Variants in ZNF704 observed in about 807,000 individuals in gnomAD.
The protein encoded by ZNF704 is zinc finger protein 704.
Under a neutral mutation model 44.7 loss-of-function variants are expected in ZNF704, and 10 were observed. The observed-to-expected ratio is 0.22, with a 90% CI of 0.14 to 0.38. ZNF704 has a LOEUF of 0.38. ZNF704 is among the 10% of genes least tolerant of loss of function. ZNF704 has a pLI of 1.00. For missense variants in ZNF704, 390 were observed against 545.5 expected, an observed-to-expected ratio of 0.71 and a Z score of 2.84; for synonymous variants, 211 against 207.6, an observed-to-expected ratio of 1.02 and a Z score of -0.14.
intron 2 of ZNF704, among the ~76,000 whole-genome samples, chr8:80,767,219 T>C (rs1261778214): frequency 1.3e-5 from 2 of 152,152 alleles, no homozygotes; most frequent in African/African-American, 4.8e-5. Flanking sequence ...CTCACAAATC[T>C]GTCATCTTTC....
At chr8:80,862,712 C>T (rs1809087680) in intron 1 of ZNF704, among the ~76,000 whole-genome samples, 1 of 145,950 alleles carries the variant, frequency 6.9e-6, no homozygotes, top group African/African-American at 2.6e-5. Flanking sequence ...TTGCAGTGAG[C>T]CGAGATCACA....
intron 1 of ZNF704, among the ~76,000 whole-genome samples, chr8:80,833,625 A>G (rs771922336): frequency 2.2e-4 from 34 of 152,178 alleles, no homozygotes; most frequent in African/African-American, 6.5e-4. Context: ...TCTGAAACCA[A>G]TGAAGTTTGT....
intron 1 of ZNF704, among the ~76,000 whole-genome samples, chr8:80,849,625 T>C (rs1418187182): frequency 6.6e-6 from 1 of 152,202 alleles, no homozygotes; most frequent in Non-Finnish European, 1.5e-5. Context: ...TGTAAAAGGA[T>C]TGGAAAGTGG....
At chr8:80,670,889 A>G (rs1176032997) in intron 4 of ZNF704, among the ~76,000 whole-genome samples, 6 of 152,246 alleles carry the variant, frequency 3.9e-5, no homozygotes, top group Non-Finnish European at 8.8e-5. Context: ...AGTGGATAAC[A>G]TTCACTGAGC....
intron 6 of ZNF704, among the ~76,000 whole-genome samples, chr8:80,664,057 T>C (rs1248866606): frequency 6.6e-6 from 1 of 151,438 alleles, no homozygotes; most frequent in Non-Finnish European, 1.5e-5. Flanking sequence ...CAGATACTTA[T>C]GTAATGTGCC....
chr8:80,691,439 A>G (rs1046098145), intron 3 of ZNF704, among the ~76,000 whole-genome samples: 3 of 152,138 alleles, frequency 2.0e-5, no homozygotes, highest in Admixed American at 2.0e-4. Flanking sequence ...GAAGCATCAG[A>G]CACTTCTCCT....
At chr8:80,809,501 AAGTG>A (rs1483793066) in intron 2 of ZNF704, among the ~76,000 whole-genome samples, 3 of 152,194 alleles carry the variant, frequency 2.0e-5, no homozygotes, top group Non-Finnish European at 4.4e-5. Context: ...TTCCTTGAAG[AAGTG>A]AGTGTTTGCC....
At chr8:80,766,534 G>A (rs1037142283) in intron 2 of ZNF704, among the ~76,000 whole-genome samples, 1 of 152,112 alleles carries the variant, frequency 6.6e-6, no homozygotes, top group African/African-American at 2.4e-5. Context: ...AATTAAAAGA[G>A]ACTTTAGTTA....
chr8:80,727,571 G>C (rs1281884301), intron 2 of ZNF704, among the ~76,000 whole-genome samples: 1 of 152,006 alleles, frequency 6.6e-6, no homozygotes, highest in African/African-American at 2.4e-5. Flanking sequence ...AGTGGCTCTT[G>C]TTTGGCGCAG....
chr8:80,774,373 ATCT>A (rs1807375861), intron 2 of ZNF704, among the ~76,000 whole-genome samples: 1 of 152,070 alleles, frequency 6.6e-6, no homozygotes, highest in Non-Finnish European at 1.5e-5. Flanking sequence ...ACCAGCCTAA[ATCT>A]TCTTTTTCTA....
At chr8:80,692,918 C>T (rs1048096383) in intron 3 of ZNF704, 86 bp downstream of exon 3, 7 of 1,224,308 alleles carry the variant, frequency 5.7e-6, no homozygotes, top group African/African-American at 3.0e-5. Flanking sequence ...TGGTTCATAG[C>T]GCTTGACAGG....
rs112262434 is a variant in ZNF704 at position 80,834,119 on chromosome 8, A to G, written c.-21-12504T>C. ...TGGGGTGGGAGGATCACTAGAGCCCAGGAAGTCAAGGCTGCAGTGAGCCGT... is the reference window on the plus strand; with the variant it reads ...TGGGGTGGGAGGATCACTAGAGCCCGGGAAGTCAAGGCTGCAGTGAGCCGT... On this transcript the variant is annotated intron_variant, in intron 1 of 8. Transcript: ENST00000327835. Among the ~76,000 whole-genome samples the G allele has an allele frequency of 2.7e-3, 405 of 152,174 alleles. 2 individuals carry two copies. The highest frequency in any genetic ancestry group is 9.1e-3 in the African/African-American group (379 of 41,502).
intron 2 of ZNF704, among the ~76,000 whole-genome samples, chr8:80,736,313 C>T (rs566693545): frequency 9.3e-4 from 141 of 152,238 alleles, no homozygotes; most frequent in Non-Finnish European, 1.7e-3. Context: ...CGCAGTCTCG[C>T]TCTATCACCA....
At chr8:80,682,721 C>T (rs369920976) in intron 4 of ZNF704, among the ~76,000 whole-genome samples, 20 of 152,292 alleles carry the variant, frequency 1.3e-4, no homozygotes, top group East Asian at 5.8e-4. Context: ...AGTTGCCAAA[C>T]GGCGGTGGGG....
At chr8:80,812,526 C>G (rs1808105872) in intron 2 of ZNF704, 1 of 152,778 alleles carries the variant, frequency 6.5e-6, no homozygotes, top group East Asian at 1.9e-4. Flanking sequence ...TTTCTCCCAA[C>G]AAGTTTGCGC....
At chr8:80,838,784 C>T (rs1405203563) in intron 1 of ZNF704, among the ~76,000 whole-genome samples, 1 of 143,280 alleles carries the variant, frequency 7.0e-6, no homozygotes, top group Non-Finnish European at 1.5e-5. Context: ...ATGGAGGCAG[C>T]GGCAGGGAGC....
chr8:80,663,964 C>A (rs1818143754), intron 6 of ZNF704, among the ~76,000 whole-genome samples: 1 of 151,936 alleles, frequency 6.6e-6, no homozygotes. Flanking sequence ...CTCCTGAGTT[C>A]AAGCAATCCA....
chr8:80,854,358 A>T (rs112070602), intron 1 of ZNF704, among the ~76,000 whole-genome samples: 2 of 152,136 alleles, frequency 1.3e-5, no homozygotes, highest in Non-Finnish European at 2.9e-5. Flanking sequence ...TCAACTTTTT[A>T]AAAAAAGACA....
intron 1 of ZNF704, among the ~76,000 whole-genome samples, chr8:80,841,376 A>G (rs1808675928): frequency 6.6e-6 from 1 of 152,116 alleles, no homozygotes; most frequent in Non-Finnish European, 1.5e-5. Context: ...TATCTGCCAC[A>G]CCACCATATG....
Sources: allele counts gnomAD v4.1 joint callset (sites outside exome capture counted in the v4.1 genomes callset), GRCh38; gene constraint gnomAD v4.1.1; transcripts MANE v1.5; gene names NCBI Gene and HGNC (gene_info 2026-07-23, HGNC 2026-07-21).